The following KBTBD2 variants were observed in gnomAD, a reference collection of about 807,000 sequenced individuals.
The protein encoded by KBTBD2 is kelch repeat and BTB domain-containing protein 2.
A neutral mutation model predicts 57.1 loss-of-function variants in KBTBD2; 17 were observed. That is an observed-to-expected ratio of 0.30 (90% CI 0.20 to 0.45). The LOEUF is 0.45. KBTBD2 is among the 20% of genes least tolerant of loss of function. KBTBD2 has a pLI of 1.00. For synonymous variants in KBTBD2, 267 were observed against 262.7 expected, an observed-to-expected ratio of 1.02 and a Z score of -0.16; for missense variants, 515 against 750.6, an observed-to-expected ratio of 0.69 and a Z score of 3.67.
intron 1 of KBTBD2, among the ~76,000 whole-genome samples, chr7:32,885,546 CA>C (rs1036155436): frequency 6.6e-6 from 1 of 151,104 alleles, no homozygotes; most frequent in African/African-American, 2.4e-5. Context: ...AAAAGCTATT[CA>C]AAAACACTTA....
intron 2 of KBTBD2, among the ~76,000 whole-genome samples, chr7:32,877,605 C>T (rs1284257065): frequency 6.6e-6 from 1 of 151,836 alleles, no homozygotes; most frequent in Admixed American, 6.6e-5. Flanking sequence ...ACAATTCTGC[C>T]AGCAGAATCT....
chr7:32,882,581 G>C (rs1562536325), intron 1 of KBTBD2, among the ~76,000 whole-genome samples: 1 of 152,090 alleles, frequency 6.6e-6, no homozygotes. Context: ...TTGTAATCCA[G>C]GATACATTTT....
At chr7:32,877,938 G>A (rs7808664) in intron 2 of KBTBD2, among the ~76,000 whole-genome samples, 42,617 of 150,782 alleles carry the variant, frequency 0.28, 7,461 homozygotes, top group Non-Finnish European at 0.39. Context: ...GTGAAACCCC[G>A]TCTCTACTAA....
intron 1 of KBTBD2, chr7:32,891,249 C>A (rs1362755840): frequency 6.7e-6 from 1 of 149,768 alleles, no homozygotes; most frequent in Non-Finnish European, 1.5e-5. Flanking sequence ...GGTGCCGGGG[C>A]CGGAAACGCC....
chr7:32,878,645 T>C (rs1475284336), intron 2 of KBTBD2, among the ~76,000 whole-genome samples: 4 of 152,106 alleles, frequency 2.6e-5, no homozygotes, highest in African/African-American at 9.6e-5. Flanking sequence ...TTGCTGCTTA[T>C]GTCTGTTAAT....
rs538868289 is a variant in KBTBD2, at chr7:32,868,314, T to C, written c.*1031A>G. ...GGCGGCGCCCCACTACTGCTAGTGG[T>C]TCCTGGGATTAATGCCAGAGCAGCG... On this transcript the variant is annotated 3_prime_UTR_variant, in exon 4 of 4. Coordinates refer to ENST00000304056, the MANE Select transcript of KBTBD2 (RefSeq NM_015483.3). 1.5e-4 allele frequency: 23 copies of C among 152,650 alleles called. No individual in the cohort carries two copies. The highest frequency in any genetic ancestry group is 5.5e-4 in the African/African-American group (23 of 41,532). The allele number at this position is 152,650 out of a possible 1,614,324, so 9.5% of individuals were successfully genotyped here. A position where few individuals can be genotyped will look rare whatever the true frequency, so the allele number is the denominator to read the frequency against.
At chr7:32,878,441 G>A (rs974564832) in intron 2 of KBTBD2, among the ~76,000 whole-genome samples, 13 of 151,126 alleles carry the variant, frequency 8.6e-5, no homozygotes, top group African/African-American at 2.7e-4. Flanking sequence ...TAGCCCAGGC[G>A]TGGTGGTGCG....
At chr7:32,872,585 G>A (rs1256022936) in intron 3 of KBTBD2, among the ~76,000 whole-genome samples, 7 of 152,144 alleles carry the variant, frequency 4.6e-5, no homozygotes, top group Admixed American at 4.6e-4. Flanking sequence ...GGCTAAGGCT[G>A]GGGGATGACT....
At chr7:32,874,959 A>C (rs1784274658) in intron 3 of KBTBD2, 33 bp downstream of exon 3, 2 of 1,595,078 alleles carry the variant, frequency 1.3e-6, no homozygotes, top group Non-Finnish European at 1.7e-6. Context: ...CAACAGAGAG[A>C]GACTCCGTCT....
chr7:32,872,302 T>C (rs1262634872), intron 3 of KBTBD2, among the ~76,000 whole-genome samples: 1 of 152,176 alleles, frequency 6.6e-6, no homozygotes, highest in Non-Finnish European at 1.5e-5. Context: ...TTGGAATTAC[T>C]AGTGCACCAG....
intron 3 of KBTBD2, among the ~76,000 whole-genome samples, chr7:32,872,756 C>T (rs1406430501): frequency 6.6e-6 from 1 of 152,200 alleles, no homozygotes; most frequent in East Asian, 1.9e-4. Context: ...GCTGACATGA[C>T]ACTTGAAATA....
rs984060717 is a variant in KBTBD2, at chr7:32,868,785, T to C, written c.*560A>G. ...GAATACATGCACCTAATAGTATAGT[T>C]AGACTGATCCTGCAGTCATAGCTTT... On this transcript the variant is annotated 3_prime_UTR_variant, in exon 4 of 4. Coordinates refer to ENST00000304056, the MANE Select transcript of KBTBD2 (RefSeq NM_015483.3). The C allele has an allele frequency of 2.0e-5, 3 of 153,162 alleles. No homozygotes were observed. Among genetic ancestry groups the C allele is most frequent in the Admixed American group, 1.3e-4 (2 of 15,348 alleles). 9.5% of individuals were successfully genotyped at this position (153,162 alleles called of 1,614,324 possible). A position where few individuals can be genotyped will look rare whatever the true frequency, so the allele number is the denominator to read the frequency against.
intron 1 of KBTBD2, among the ~76,000 whole-genome samples, chr7:32,884,996 A>G (rs890175670): frequency 7.1e-4 from 59 of 83,664 alleles, no homozygotes; most frequent in African/African-American, 4.2e-3. Context: ...ATATACACAT[A>G]TATGTGTATA....
chr7:32,888,694 C>CTT (rs1784645503), intron 1 of KBTBD2, among the ~76,000 whole-genome samples: 2 of 98,472 alleles, frequency 2.0e-5, no homozygotes, highest in East Asian at 2.8e-4. Context: ...GACTCCGTCC[C>CTT]AAAAAAAAAA....
At chr7:32,876,162 A>C (rs1784306708) in intron 2 of KBTBD2, among the ~76,000 whole-genome samples, 1 of 152,210 alleles carries the variant, frequency 6.6e-6, no homozygotes, top group Non-Finnish European at 1.5e-5. Flanking sequence ...GAGAATACTA[A>C]GTAGAATGCC....
Position 32,870,805 on chromosome 7 carries a change from TCAA to T in KBTBD2, c.409_411del (p.Leu137del). The T allele has an allele frequency of 6.2e-7, 1 of 1,612,726 alleles. No homozygotes were observed. The highest frequency in any genetic ancestry group is 1.7e-4 in the Middle Eastern group (1 of 6,060). ...TCACAACTGAAGAGATCAGCAAAAC[TCAA>T]CAATCGTACACAATTCTCTGCATTT... On this transcript the variant is annotated inframe_deletion, in exon 4 of 4. Coordinates refer to ENST00000304056, the MANE Select transcript of KBTBD2 (RefSeq NM_015483.3).
rs1218009812 is a variant in KBTBD2, at chr7:32,879,888, TACAC to T, written c.-288_-285del. 2.0e-5 allele frequency: 6 copies of T among 305,960 alleles called. No individual in the cohort carries two copies. Among genetic ancestry groups the T allele is most frequent in the Non-Finnish European group, 3.6e-5 (6 of 166,626 alleles). The allele number at this position is 305,960 out of a possible 1,614,324, so 19.0% of individuals were successfully genotyped here. A position where few individuals can be genotyped will look rare whatever the true frequency, so the allele number is the denominator to read the frequency against. On this transcript the variant is annotated 5_prime_UTR_variant, in exon 2 of 4. The change abolishes the stop of an existing upstream ORF in the 5' untranslated region. Transcript: ENST00000304056. Reference sequence around the variant, plus strand: ...GCAGCTCATGAGTGAAAGAGAAAAATACACGAGGTAGATTTTGTGGCAACATCCT... The same window carrying T: ...GCAGCTCATGAGTGAAAGAGAAAAATGAGGTAGATTTTGTGGCAACATCCT...
intron 1 of KBTBD2, among the ~76,000 whole-genome samples, chr7:32,887,941 C>CTAT (rs1483520091): frequency 6.6e-6 from 1 of 151,808 alleles, no homozygotes; most frequent in Non-Finnish European, 1.5e-5. Context: ...ACACACAGCA[C>CTAT]TACACAGATA....
At position 32,870,327 on chromosome 7, in the gene KBTBD2, T is replaced by C; in HGVS notation, c.890A>G (p.Lys297Arg). Residue 297 changes from lysine to arginine, a missense_variant, in exon 4 of 4, where the codon AAG (lysine) becomes AGG (arginine). Coordinates refer to ENST00000304056, the MANE Select transcript of KBTBD2 (RefSeq NM_015483.3). ...CYSPQAEKVY[K>R]LCSPPADLHK... is the part of the protein sequence containing the mutation. Reference sequence around the variant, plus strand: ...CAAATCAGCTGGTGGGCTACATAACTTGTAAACTTTTTCTGCTTGGGGGCT... The same window carrying C: ...CAAATCAGCTGGTGGGCTACATAACCTGTAAACTTTTTCTGCTTGGGGGCT... The C allele has an allele frequency of 2.5e-6, 4 of 1,613,894 alleles. No individual in the cohort carries two copies. Among genetic ancestry groups the C allele is most frequent in the Non-Finnish European group, 3.4e-6 (4 of 1,179,908 alleles).
Sources: allele counts gnomAD v4.1 joint callset (sites outside exome capture counted in the v4.1 genomes callset), GRCh38; gene constraint gnomAD v4.1.1; transcripts MANE v1.5; gene names NCBI Gene and HGNC (gene_info 2026-07-23, HGNC 2026-07-21).